PHKB: variants seen among roughly 807,000 people sequenced by gnomAD.
PHKB encodes the protein phosphorylase b kinase regulatory subunit beta.
Under a neutral mutation model 152.1 loss-of-function variants are expected in PHKB, and 122 were observed. The ratio of observed to expected loss-of-function variants is 0.80; its 90% CI spans 0.69 to 0.93. The LOEUF (loss-of-function observed/expected upper bound fraction) is 0.93. Among genes scored for constraint, PHKB ranks in the 40% least tolerant of loss-of-function variants. The pLI is 0.00. For missense variants in PHKB, 1,304 were observed against 1,328.4 expected (o/e 0.98, Z 0.29); for synonymous variants, 436 against 464.9 (o/e 0.94, Z 0.80).
intron 20 of PHKB, among the ~76,000 whole-genome samples, chr16:47,656,659 T>C (rs2151734878): frequency 6.6e-6 from 1 of 152,296 alleles, no homozygotes; most frequent in African/African-American, 2.4e-5. Context: ...ACTCAAACTC[T>C]ATGCTCATAA....
chr16:47,606,496 C>T (rs977774233), intron 13 of PHKB, among the ~76,000 whole-genome samples: 1 of 152,186 alleles, frequency 6.6e-6, no homozygotes, highest in African/African-American at 2.4e-5. Flanking sequence ...TGTTTTATAG[C>T]TTACATGCAG....
chr16:47,577,880 G>A (rs1971776412), intron 7 of PHKB, among the ~76,000 whole-genome samples: 1 of 152,054 alleles, frequency 6.6e-6, no homozygotes. Flanking sequence ...GAATCTGTAG[G>A]TTTATGGCTC....
At chr16:47,578,177 T>A (rs1318350259) in intron 7 of PHKB, among the ~76,000 whole-genome samples, 7 of 152,244 alleles carry the variant, frequency 4.6e-5, no homozygotes, top group Non-Finnish European at 2.9e-5. Context: ...TGATACTTTC[T>A]GTTTCTTACT....
At chr16:47,557,447 G>A (rs1212560284) in intron 7 of PHKB, among the ~76,000 whole-genome samples, 8 of 150,998 alleles carry the variant, frequency 5.3e-5, no homozygotes, top group East Asian at 3.9e-4. Flanking sequence ...TGAACAGGCA[G>A]CCTACAAAAT....
intron 1 of PHKB, among the ~76,000 whole-genome samples, chr16:47,484,117 A>G (rs1334855700): frequency 6.6e-6 from 1 of 152,182 alleles, no homozygotes; most frequent in African/African-American, 2.4e-5. Context: ...TAGCTAGTTG[A>G]GTGATTGCTA....
At chr16:47,545,143 T>G (rs1171847464) in intron 6 of PHKB, among the ~76,000 whole-genome samples, 1 of 152,240 alleles carries the variant, frequency 6.6e-6, no homozygotes, top group Non-Finnish European at 1.5e-5. Flanking sequence ...ATTATGATGC[T>G]TGCTGGTTAT....
At chr16:47,583,054 C>T (rs1971876604) in intron 8 of PHKB, among the ~76,000 whole-genome samples, 1 of 152,196 alleles carries the variant, frequency 6.6e-6, no homozygotes. Flanking sequence ...GCCTTGGCCT[C>T]CCAAAGTGCT....
At chr16:47,481,270 T>C (rs1289787768) in intron 1 of PHKB, among the ~76,000 whole-genome samples, 1 of 152,244 alleles carries the variant, frequency 6.6e-6, no homozygotes, top group Non-Finnish European at 1.5e-5. Flanking sequence ...TGAAGACTTA[T>C]TAGCATCACT....
Position 47,660,565 on chromosome 16 carries a change from AGAG to A in PHKB, c.2032_2033+1del, listed in dbSNP as rs1973423210. On this transcript the variant is annotated splice_donor_variant and coding_sequence_variant, in exon 21 of 31. Coordinates refer to ENST00000323584, the MANE Select transcript of PHKB (RefSeq NM_000293.3). LOFTEE classifies it high-confidence loss of function. ...ATTTCCTACGAATCAGTGACACAGA[AGAG>A]TAAGTCCCTTTGGGTTATTTCATTT... The A allele has an allele frequency of 6.2e-7, 1 of 1,613,268 alleles. No homozygotes were observed. The highest frequency in any genetic ancestry group is 2.2e-5 in the East Asian group (1 of 44,872).
At chr16:47,614,985 A>G (rs963512128) in intron 14 of PHKB, among the ~76,000 whole-genome samples, 6 of 152,206 alleles carry the variant, frequency 3.9e-5, no homozygotes, top group African/African-American at 4.8e-5. Flanking sequence ...ACTGAAGGGT[A>G]GTTACGTTGG....
intron 7 of PHKB, among the ~76,000 whole-genome samples, chr16:47,558,694 A>C (rs996355088): frequency 1.3e-5 from 2 of 152,136 alleles, no homozygotes; most frequent in South Asian, 2.1e-4. Context: ...GATTACAGGC[A>C]TGTGCTACCA....
At position 47,664,002 on chromosome 16, in the gene PHKB, A is replaced by G. The variant is rs1973491816; in HGVS notation, c.2336+268A>G. ...TGCTAAGGTTTCTTTCCTGCTGTAC[A>G]CCTCCTCTGCCCCAACAAGGTGCTT... is the stretch of plus-strand genomic sequence containing the variant. On this transcript the variant is annotated intron_variant, in intron 24 of 30. Coordinates refer to ENST00000323584, the MANE Select transcript of PHKB (RefSeq NM_000293.3). The G allele has an allele frequency of 1.4e-5, 7 of 498,958 alleles. 1 individual carries two copies. The highest frequency in any genetic ancestry group is 7.3e-5 in the South Asian group (3 of 40,968). 30.9% of individuals were successfully genotyped at this position (498,958 alleles called of 1,614,324 possible).
intron 3 of PHKB, among the ~76,000 whole-genome samples, chr16:47,501,935 T>C (rs1970330951): frequency 1.3e-5 from 2 of 152,170 alleles, no homozygotes; most frequent in East Asian, 1.9e-4. Context: ...AAAAGTACTG[T>C]ATAGAGCAAA....
intron 14 of PHKB, among the ~76,000 whole-genome samples, chr16:47,636,707 C>T (rs982098840): frequency 3.9e-5 from 6 of 152,322 alleles, no homozygotes; most frequent in Non-Finnish European, 5.9e-5. Flanking sequence ...AGGAGGGAGG[C>T]CGGTGGGGCT....
intron 14 of PHKB, among the ~76,000 whole-genome samples, chr16:47,635,542 A>G (rs963117815): frequency 1.3e-5 from 2 of 152,208 alleles, no homozygotes; most frequent in Non-Finnish European, 2.9e-5. Context: ...TATAGAGATA[A>G]GGAATGCTTT....
intron 11 of PHKB, among the ~76,000 whole-genome samples, 155 bp downstream of exon 11, chr16:47,593,712 A>G (rs930359824): frequency 6.6e-6 from 1 of 152,182 alleles, no homozygotes; most frequent in African/African-American, 2.4e-5. Context: ...CTGCATTTGT[A>G]TATACTACTC....
intron 4 of PHKB, chr16:47,505,676 A>ACTT (rs1417020789): frequency 6.6e-6 from 1 of 152,140 alleles, no homozygotes; most frequent in African/African-American, 2.4e-5. Context: ...CTTTGCAGGC[A>ACTT]GTTTTGATCA....
intron 14 of PHKB, among the ~76,000 whole-genome samples, chr16:47,633,840 A>G (rs558105468): frequency 6.6e-6 from 1 of 152,336 alleles, no homozygotes; most frequent in East Asian, 1.9e-4. Context: ...TATCCTAAAT[A>G]TTGCATAACT....
chr16:47,617,150 T>C (rs957804471), intron 14 of PHKB, among the ~76,000 whole-genome samples: 4 of 149,912 alleles, frequency 2.7e-5, no homozygotes, highest in African/African-American at 9.7e-5. Context: ...TGGGGGCCTA[T>C]TCCCAAGAAT....
Sources: allele counts gnomAD v4.1 joint callset (sites outside exome capture counted in the v4.1 genomes callset), GRCh38; gene constraint gnomAD v4.1.1; transcripts MANE v1.5; gene names NCBI Gene and HGNC (gene_info 2026-07-23, HGNC 2026-07-21).